The following NBEA variants were observed in gnomAD, a reference collection of about 807,000 sequenced individuals.
The protein encoded by NBEA is lysosomal-trafficking regulator 2.
Under a neutral mutation model 343.4 loss-of-function variants are expected in NBEA, and 44 were observed. The ratio of observed to expected loss-of-function variants is 0.13; its 90% CI spans 0.10 to 0.16. NBEA has a LOEUF of 0.16. NBEA is among the 10% of genes least tolerant of loss of function. NBEA has a pLI of 1.00. For missense variants in NBEA, 2,555 were observed against 3,631.3 expected, an observed-to-expected ratio of 0.70 and a Z score of 7.62; for synonymous variants, 1,175 against 1,238.7, an observed-to-expected ratio of 0.95 and a Z score of 1.08.
intron 17 of NBEA, among the ~76,000 whole-genome samples, chr13:35,131,347 T>A (rs1040735870): frequency 1.3e-5 from 2 of 152,274 alleles, no homozygotes; most frequent in South Asian, 4.1e-4. Context: ...AGTTACTTTT[T>A]TAAAAGTATA....
intron 51 of NBEA, 32 bp from the exon 52 acceptor site, chr13:35,649,623 T>C (rs2084419418): frequency 2.6e-6 from 4 of 1,558,640 alleles, no homozygotes; most frequent in Non-Finnish European, 3.5e-6. Context: ...TCCTTTTGTC[T>C]TCCTCTGTTC....
chr13:35,586,735 A>G (rs907462724), intron 46 of NBEA, among the ~76,000 whole-genome samples: 2 of 152,184 alleles, frequency 1.3e-5, no homozygotes, highest in African/African-American at 2.4e-5. Flanking sequence ...ATTTATCTCT[A>G]TAAAGCAATC....
rs534678817 is a variant in NBEA, at chr13:34,989,283, T to A, written c.294+46169T>A. 5.3e-4 allele frequency among the ~76,000 whole-genome samples: 80 copies of A among 151,182 alleles called. 2 individuals carry two copies. Among genetic ancestry groups the A allele is most frequent in the African/African-American group, 1.9e-3 (78 of 41,474 alleles). On this transcript the variant is annotated intron_variant, in intron 1 of 58. Coordinates refer to ENST00000379939, the MANE Select transcript of NBEA (RefSeq NM_001385012.1). ...ACACATATATACCCAATAAATGTATTAGTCTGTTCTCACATTACTATAAGT... is the reference window on the plus strand; with the variant it reads ...ACACATATATACCCAATAAATGTATAAGTCTGTTCTCACATTACTATAAGT...
At chr13:35,368,177 T>C (rs565924419) in intron 38 of NBEA, among the ~76,000 whole-genome samples, 12 of 151,616 alleles carry the variant, frequency 7.9e-5, no homozygotes, top group Non-Finnish European at 1.2e-4. Flanking sequence ...ATGTAATTCG[T>C]TATCTTATAT....
At chr13:35,623,587 A>G (rs1198585076) in intron 48 of NBEA, among the ~76,000 whole-genome samples, 4 of 152,110 alleles carry the variant, frequency 2.6e-5, no homozygotes, top group African/African-American at 9.6e-5. Context: ...TTGATTCACT[A>G]TGCTGCCTCT....
At chr13:35,080,915 T>C (rs555205312) in intron 10 of NBEA, among the ~76,000 whole-genome samples, 1 of 152,260 alleles carries the variant, frequency 6.6e-6, no homozygotes, top group South Asian at 2.1e-4. Context: ...GGACCAGGTA[T>C]GATCCCTTCC....
At chr13:35,166,652 C>T (rs939883550) in intron 24 of NBEA, among the ~76,000 whole-genome samples, 1 of 152,028 alleles carries the variant, frequency 6.6e-6, no homozygotes, top group Non-Finnish European at 1.5e-5. Context: ...ATAGCCGAAC[C>T]TTTCTCCCAT....
intron 45 of NBEA, among the ~76,000 whole-genome samples, chr13:35,582,724 AC>A (rs1020708335): frequency 2.0e-5 from 3 of 152,162 alleles, no homozygotes; most frequent in African/African-American, 7.2e-5. Context: ...CAGGATAAGC[AC>A]CCTTGCAAAT....
At chr13:35,505,202 C>T (rs909935949) in intron 41 of NBEA, among the ~76,000 whole-genome samples, 7 of 152,012 alleles carry the variant, frequency 4.6e-5, no homozygotes, top group African/African-American at 1.7e-4. Flanking sequence ...TCATATGAAT[C>T]CAACATTGAG....
chr13:35,642,472 GT>G (rs1566449367), intron 49 of NBEA, among the ~76,000 whole-genome samples: 1 of 152,120 alleles, frequency 6.6e-6, no homozygotes, highest in African/African-American at 2.4e-5. Flanking sequence ...CGTGTTCAAT[GT>G]TAACTCATTT....
intron 1 of NBEA, among the ~76,000 whole-genome samples, chr13:35,016,111 A>G (rs892578807): frequency 2.6e-5 from 4 of 152,166 alleles, no homozygotes; most frequent in Non-Finnish European, 5.9e-5. Flanking sequence ...CAATTAGGAT[A>G]TAAAAGGTTA....
intron 44 of NBEA, among the ~76,000 whole-genome samples, chr13:35,560,417 C>T (rs1289163055): frequency 3.3e-5 from 5 of 152,100 alleles, no homozygotes; most frequent in Non-Finnish European, 7.3e-5. Context: ...TTTGTAGATA[C>T]TGATATTCTA....
At chr13:34,970,226 C>G (rs1272319273) in intron 1 of NBEA, among the ~76,000 whole-genome samples, 1 of 152,038 alleles carries the variant, frequency 6.6e-6, no homozygotes, top group Non-Finnish European at 1.5e-5. Context: ...GTCCTTTGCC[C>G]ATTTTTTAAT....
chr13:35,415,446 A>C (rs564069339), intron 38 of NBEA, among the ~76,000 whole-genome samples: 9 of 152,294 alleles, frequency 5.9e-5, no homozygotes, highest in Admixed American at 5.9e-4. Context: ...TCAGCTTTCT[A>C]CATATGGTTA....
chr13:34,987,225 T>A (rs2060581904), intron 1 of NBEA, among the ~76,000 whole-genome samples: 1 of 151,032 alleles, frequency 6.6e-6, no homozygotes, highest in East Asian at 1.9e-4. Context: ...TTTGCTTGTC[T>A]GTAAAGGATT....
At chr13:34,967,800 G>A (rs1392899087) in intron 1 of NBEA, among the ~76,000 whole-genome samples, 6 of 151,938 alleles carry the variant, frequency 3.9e-5, no homozygotes, top group African/African-American at 1.5e-4. Flanking sequence ...CAATTCTCTG[G>A]CACTAATTAA....
At chr13:35,205,804 G>A (rs1477821247) in intron 31 of NBEA, among the ~76,000 whole-genome samples, 1 of 151,972 alleles carries the variant, frequency 6.6e-6, no homozygotes, top group East Asian at 1.9e-4. Context: ...CTTTATATGT[G>A]TTACCTCCTT....
At chr13:35,430,310 G>A (rs2152929786) in intron 38 of NBEA, among the ~76,000 whole-genome samples, 1 of 152,114 alleles carries the variant, frequency 6.6e-6, no homozygotes, top group African/African-American at 2.4e-5. Flanking sequence ...GATGGGATTG[G>A]TTGTTTTGTT....
chr13:35,002,321 A>G (rs2061168718), intron 1 of NBEA, among the ~76,000 whole-genome samples: 1 of 152,196 alleles, frequency 6.6e-6, no homozygotes, highest in Admixed American at 6.5e-5. Context: ...AAAAATTTAT[A>G]GAAATAGAAC....
Sources: allele counts gnomAD v4.1 joint callset (sites outside exome capture counted in the v4.1 genomes callset), GRCh38; gene constraint gnomAD v4.1.1; transcripts MANE v1.5; gene names NCBI Gene and HGNC (gene_info 2026-07-23, HGNC 2026-07-21).